The following AQP10 variants were observed in gnomAD, a reference collection of about 807,000 sequenced individuals.
AQP10 encodes aquaporin-10.
AQP10 carries 15 observed loss-of-function variants against 21.0 expected under a neutral mutation model. That is an observed-to-expected ratio of 0.71 (90% CI 0.48 to 1.10). The LOEUF (loss-of-function observed/expected upper bound fraction) is 1.10. AQP10 is among the 50% of genes least tolerant of loss of function. AQP10 has a pLI of 0.00. For synonymous variants in AQP10, 143 were observed against 155.7 expected (o/e 0.92, Z 0.61); for missense variants, 268 against 379.5 (o/e 0.71, Z 2.44).
At chr1:154,322,166 C>A in intron 2 of AQP10, 107 bp downstream of exon 2, 1 of 1,503,570 alleles carries the variant, frequency 6.7e-7, no homozygotes, top group Non-Finnish European at 9.0e-7. Context: ...TGGACATTAT[C>A]CCCTTGAACA....
At chr1:154,322,345 C>T (rs1417895533) in intron 2 of AQP10, among the ~76,000 whole-genome samples, 1 of 152,116 alleles carries the variant, frequency 6.6e-6, no homozygotes, top group African/African-American at 2.4e-5. Context: ...CCTCTGGGGG[C>T]TCATCTCCAC....
At position 154,323,215 on chromosome 1, in the gene AQP10, A is replaced by T; in HGVS notation, c.371-26A>T. 6.2e-7 allele frequency: 1 copy of T among 1,613,352 alleles called. No individual in the cohort carries two copies. On this transcript the variant is annotated intron_variant, in intron 3 of 5. Transcript: ENST00000324978. The surrounding 1 kb of genome is among the most constrained non-coding windows in gnomAD (Gnocchi z 4.5). Reference sequence around the variant, plus strand: ...TTTGGATGAATGAGCAAAGAGGGAAATCCTGGGTGTTCCCTTCCTCCACAG... The same window carrying T: ...TTTGGATGAATGAGCAAAGAGGGAATTCCTGGGTGTTCCCTTCCTCCACAG...
chr1:154,323,175 G>A lies in AQP10; in HGVS notation c.370+56G>A. 1 of 1,613,988 alleles carries A rather than the reference G, an allele frequency of 6.2e-7. No individual in the cohort carries two copies. The highest frequency in any genetic ancestry group is 8.5e-7 in the Non-Finnish European group (1 of 1,179,860). Reference sequence around the variant, plus strand: ...TGAGAGCACCTGTGGGTGGGCAGGGGTGCCTCAGAATGGTTTTGGATGAAT... The same window carrying A: ...TGAGAGCACCTGTGGGTGGGCAGGGATGCCTCAGAATGGTTTTGGATGAAT... On this transcript the variant is annotated intron_variant, in intron 3 of 5. Coordinates refer to ENST00000324978, the MANE Select transcript of AQP10 (RefSeq NM_080429.3). This position sits in a 1 kb window ranked among gnomAD's most constrained non-coding sequence, Gnocchi z 4.5.
At position 154,322,986 on chromosome 1, in the gene AQP10, C is replaced by G. The variant is rs1685682572; in HGVS notation, c.237C>G (p.Ala79=). Residue 79 remains alanine, a synonymous_variant, in exon 3 of 6, where the codon GCC becomes GCG. Coordinates refer to ENST00000324978, the MANE Select transcript of AQP10 (RefSeq NM_080429.3). ...AIYVGGNVSG[A]HLNPAFSLAM... ...TTCTTTCCTTGATACTTGAAGGGGC[C>G]CACCTGAATCCAGCCTTCTCCCTGG... The G allele has an allele frequency of 6.2e-7, 1 of 1,614,026 alleles. No homozygotes were observed. Among genetic ancestry groups the G allele is most frequent in the African/African-American group, 1.3e-5 (1 of 74,892 alleles).
At position 154,324,401 on chromosome 1, in the gene AQP10, A is replaced by C; in HGVS notation, c.827A>C (p.Gln276Pro). 6.2e-7 allele frequency: 1 copy of C among 1,613,674 alleles called. No individual in the cohort carries two copies. The highest frequency in any genetic ancestry group is 8.5e-7 in the Non-Finnish European group (1 of 1,179,980). Residue 276 changes from glutamine to proline, a missense_variant, in exon 6 of 6, where the codon CAG becomes CCG. Coordinates refer to ENST00000324978, the MANE Select transcript of AQP10 (RefSeq NM_080429.3). ...LHHPEGPEPA[Q>P]DLVSAQHKAS... ...CACCCTGAGGGCCCAGAGCCAGCTC[A>C]GGATCTGGTGTCTGCTCAACACAAA...
At chr1:154,322,709 G>T (rs1685675235) in intron 2 of AQP10, among the ~76,000 whole-genome samples, 1 of 152,034 alleles carries the variant, frequency 6.6e-6, no homozygotes, top group African/African-American at 2.4e-5. Context: ...ATGTTGGCCA[G>T]GCTGGTCTGG....
Position 154,324,534 on chromosome 1 carries a change from C to A in AQP10, c.*54C>A. The A allele has an allele frequency of 1.3e-6, 2 of 1,549,874 alleles. No individual in the cohort carries two copies. The highest frequency in any genetic ancestry group is 1.8e-6 in the Non-Finnish European group (2 of 1,135,988). On this transcript the variant is annotated 3_prime_UTR_variant, in exon 6 of 6. Transcript: ENST00000324978. ...CCCTGGAGCCAGCCACTGACCCCGC[C>A]TGGGAACAACAGTCATTCTTCCTCT...
Position 154,323,173 on chromosome 1 carries a change from G to A in AQP10, c.370+54G>A, listed in dbSNP as rs559057464. ...CTTGAGAGCACCTGTGGGTGGGCAG[G>A]GGTGCCTCAGAATGGTTTTGGATGA... On this transcript the variant is annotated intron_variant, in intron 3 of 5. Coordinates refer to ENST00000324978, the MANE Select transcript of AQP10 (RefSeq NM_080429.3). The surrounding 1 kb of genome is among the most constrained non-coding windows in gnomAD (Gnocchi z 4.5). 1.1e-5 allele frequency: 17 copies of A among 1,613,932 alleles called. No homozygotes were observed. The highest frequency in any genetic ancestry group is 1.7e-4 in the Middle Eastern group (1 of 6,060).
Position 154,324,787 on chromosome 1 carries a change from G to A in AQP10, c.*307G>A. 2 of 249,188 alleles carry A rather than the reference G, an allele frequency of 8.0e-6. No homozygotes were observed. Among genetic ancestry groups the A allele is most frequent in the Non-Finnish European group, 1.6e-5 (2 of 127,694 alleles). 15.4% of individuals were successfully genotyped at this position (249,188 alleles called of 1,614,324 possible). ...GGTGCGCACCTGGATGCTGGATGGG[G>A]ACGGCTGCGGGCATCTGCAGGGTGG... On this transcript the variant is annotated 3_prime_UTR_variant, in exon 6 of 6. Transcript: ENST00000324978.
chr1:154,323,901 T>C lies in AQP10; in HGVS notation c.707+95T>C. 6.5e-7 allele frequency: 1 copy of C among 1,532,232 alleles called. No individual in the cohort carries two copies. The highest frequency in any genetic ancestry group is 1.2e-5 in the South Asian group (1 of 82,402). 94.9% of individuals were successfully genotyped at this position (1,532,232 alleles called of 1,614,324 possible). ...CACAGCACTCTGCCTTTAAAATAGCTCTCTTGGCTTCTTAGGACAGTGTTC... is the reference window on the plus strand; with the variant it reads ...CACAGCACTCTGCCTTTAAAATAGCCCTCTTGGCTTCTTAGGACAGTGTTC... On this transcript the variant is annotated intron_variant, in intron 5 of 5. Transcript: ENST00000324978. The surrounding 1 kb of genome is among the most constrained non-coding windows in gnomAD (Gnocchi z 4.5).
At chr1:154,321,524 A>G (rs561426296) in intron 1 of AQP10, among the ~76,000 whole-genome samples, 57 of 152,294 alleles carry the variant, frequency 3.7e-4, no homozygotes, top group African/African-American at 1.3e-3. Flanking sequence ...CATTTTTATG[A>G]AAGACCATTT....
At position 154,323,528 on chromosome 1, in the gene AQP10, G is replaced by C. The variant is rs1296634205; in HGVS notation, c.490-61G>C. ...CAGATGACATGGAATATTTGGATGA[G>C]AGAGGGCAGATGGAGCACCTGGCAG... is the stretch of plus-strand genomic sequence containing the variant. On this transcript the variant is annotated intron_variant, in intron 4 of 5. Coordinates refer to ENST00000324978, the MANE Select transcript of AQP10 (RefSeq NM_080429.3). This position sits in a 1 kb window ranked among gnomAD's most constrained non-coding sequence, Gnocchi z 4.5. 10 of 1,567,210 alleles carry C rather than the reference G, an allele frequency of 6.4e-6. No individual in the cohort carries two copies. The highest frequency in any genetic ancestry group is 8.7e-6 in the Non-Finnish European group (10 of 1,146,626).
At position 154,323,205 on chromosome 1, in the gene AQP10, A is replaced by T; in HGVS notation, c.371-36A>T. On this transcript the variant is annotated intron_variant, in intron 3 of 5. Coordinates refer to ENST00000324978, the MANE Select transcript of AQP10 (RefSeq NM_080429.3). This position sits in a 1 kb window ranked among gnomAD's most constrained non-coding sequence, Gnocchi z 4.5. Reference sequence around the variant, plus strand: ...TCAGAATGGTTTTGGATGAATGAGCAAAGAGGGAAATCCTGGGTGTTCCCT... The same window carrying T: ...TCAGAATGGTTTTGGATGAATGAGCTAAGAGGGAAATCCTGGGTGTTCCCT... 1 of 1,613,832 alleles carries T rather than the reference A, an allele frequency of 6.2e-7. No homozygotes were observed. The highest frequency in any genetic ancestry group is 8.5e-7 in the Non-Finnish European group (1 of 1,179,724).
rs1241066509 is a variant in AQP10, at chr1:154,323,278, G to T, written c.408G>T (p.Val136=). 8 of 1,614,190 alleles carry T rather than the reference G, an allele frequency of 5.0e-6. No individual in the cohort carries two copies. In the East Asian group the frequency reaches 1.1e-4, roughly 22 times the overall value. Reference sequence around the variant, plus strand: ...ACTATACAGGTGGGAACCTGACAGTGACTGGCCCCAAGGAGACAGCCTCCA... The same window carrying T: ...ACTATACAGGTGGGAACCTGACAGTTACTGGCCCCAAGGAGACAGCCTCCA... ...LQNYTGGNLT[V]TGPKETASIF... The change falls in exon 4 of 6, where the codon GTG becomes GTT. Residue 136 remains valine, a synonymous_variant. Coordinates refer to ENST00000324978, the MANE Select transcript of AQP10 (RefSeq NM_080429.3). The surrounding 1 kb of genome is among the most constrained non-coding windows in gnomAD (Gnocchi z 4.5).
At position 154,322,200 on chromosome 1, in the gene AQP10, T is replaced by C. The variant is rs540335204; in HGVS notation, c.232+141T>C. 2.5e-4 allele frequency: 336 copies of C among 1,347,468 alleles called. 1 individual carries two copies. The South Asian group carries it at 4.5e-3, about 18-fold the overall frequency. The allele number at this position is 1,347,468 out of a possible 1,614,324, so 83.5% of individuals were successfully genotyped here. A position where few individuals can be genotyped will look rare whatever the true frequency, so the allele number is the denominator to read the frequency against. ...CAGTGTCCCAGACTGAAATAAGCCT[T>C]TGGCCCCACCAGCCCCTCCTCTTTC... On this transcript the variant is annotated intron_variant, in intron 2 of 5. Coordinates refer to ENST00000324978, the MANE Select transcript of AQP10 (RefSeq NM_080429.3).
chr1:154,323,008 C>A lies in AQP10; in HGVS notation c.259C>A (p.Leu87Met). 2.5e-6 allele frequency: 4 copies of A among 1,614,228 alleles called. No individual in the cohort carries two copies. The highest frequency in any genetic ancestry group is 3.4e-6 in the Non-Finnish European group (4 of 1,180,042). ...GGCCCACCTGAATCCAGCCTTCTCC[C>A]TGGCCATGTGCATCGTTGGACGCCT... ...SGAHLNPAFS[L>M]AMCIVGRLPW... Residue 87 changes from leucine to methionine, a missense_variant, in exon 3 of 6, where the codon CTG becomes ATG. By Grantham distance (15) the Leu-to-Met change is conservative. Around this residue, in one of 3 missense-constraint regions of AQP10, gnomAD observed 229 missense variants for 295.1 expected, o/e 0.78. Coordinates refer to ENST00000324978, the MANE Select transcript of AQP10 (RefSeq NM_080429.3). This position sits in a 1 kb window ranked among gnomAD's most constrained non-coding sequence, Gnocchi z 4.5.
chr1:154,323,065 G>C lies in AQP10; in HGVS notation c.316G>C (p.Val106Leu). Reference protein sequence around the residue: ...PWVKLPIYILVQLLSAFCASG... With the variant: ...PWVKLPIYILLQLLSAFCASG... ...GGTCAAGCTCCCCATTTACATCTTG[G>C]TGCAGTTGCTGTCTGCTTTCTGTGC... Residue 106 changes from valine to leucine, a missense_variant, in exon 3 of 6, where the codon GTG (valine) becomes CTG (leucine). Physicochemically the swap from Val to Leu is conservative, Grantham distance 32. Around this residue, in one of 3 missense-constraint regions of AQP10, gnomAD observed 229 missense variants for 295.1 expected, o/e 0.78. Coordinates refer to ENST00000324978, the MANE Select transcript of AQP10 (RefSeq NM_080429.3). This position sits in a 1 kb window ranked among gnomAD's most constrained non-coding sequence, Gnocchi z 4.5. The C allele has an allele frequency of 6.2e-7, 1 of 1,614,142 alleles. No homozygotes were observed. The highest frequency in any genetic ancestry group is 2.2e-5 in the East Asian group (1 of 44,882).
At position 154,324,173 on chromosome 1, in the gene AQP10, C is replaced by T. The variant is rs552992914; in HGVS notation, c.708-109C>T. 4,179 of 1,197,310 alleles carry T rather than the reference C, an allele frequency of 3.5e-3. 46 individuals are homozygous for T. The highest frequency in any genetic ancestry group is 0.026 in the South Asian group (1,633 of 62,538). The allele number at this position is 1,197,310 out of a possible 1,614,324, so 74.2% of individuals were successfully genotyped here. On this transcript the variant is annotated intron_variant, in intron 5 of 5. Transcript: ENST00000324978. ...AGGCAATCCTCTTCCTGGTGTCTAC[C>T]ACCCTGGGAACAACTTTAGGGCACT...
Position 154,324,350 on chromosome 1 carries a change from C to CT in AQP10, c.778dup (p.Tyr260LeufsTer11). On this transcript the variant is annotated frameshift_variant, in exon 6 of 6. Transcript: ENST00000324978. LOFTEE classifies it low-confidence loss of function (END_TRUNC). ...GTGGGGGCCACCGTTGGCACAGCCA[C>CT]TTACCAGCTGTTGGTGGCTCTGCAC... The CT allele has an allele frequency of 6.2e-7, 1 of 1,609,138 alleles. No homozygotes were observed. The highest frequency in any genetic ancestry group is 1.3e-5 in the African/African-American group (1 of 74,836).
Sources: gnomAD v4.1 joint callset for allele counts (sites outside exome capture counted in the v4.1 genomes callset) on GRCh38, gnomAD v4.1.1 for gene constraint, gnomAD v4.1.1 regional missense constraint, Gnocchi (gnomAD v3.1) non-coding constraint, MANE v1.5 for transcripts, NCBI Gene and HGNC (gene_info 2026-07-23, HGNC 2026-07-21) for gene names.